Variants in NARS2 observed in about 807,000 individuals in gnomAD.
The protein encoded by NARS2 is asparaginyl-tRNA synthetase 2, mitochondrial.
A neutral mutation model predicts 62.9 loss-of-function variants in NARS2; 60 were observed. The ratio of observed to expected loss-of-function variants is 0.95; its 90% CI spans 0.77 to 1.18. The LOEUF is 1.18. Among genes scored for constraint, NARS2 ranks in the 50% most tolerant of loss-of-function variants. The probability of loss-of-function intolerance (pLI) is 0.00; values close to 1 mark genes in which losing one functional copy is unlikely to be tolerated. For synonymous variants in NARS2, 196 were observed against 200.0 expected (o/e 0.98, Z 0.17); for missense variants, 619 against 576.4 (o/e 1.07, Z -0.76).
At position 78,566,710 on chromosome 11, in the gene NARS2, A is replaced by G. The variant is rs562996648; in HGVS notation, c.373-438T>C. Among the ~76,000 whole-genome samples the G allele has an allele frequency of 1.6e-4, 24 of 152,354 alleles. No homozygotes were observed. The East Asian group carries it at 2.9e-3, about 18-fold the overall frequency. ...AATTACCTATATGTCTTGAAAGCCCATATCATTCATAATCAATTGGTGCAA... is the reference window on the plus strand; with the variant it reads ...AATTACCTATATGTCTTGAAAGCCCGTATCATTCATAATCAATTGGTGCAA... On this transcript the variant is annotated intron_variant, in intron 3 of 13. Transcript: ENST00000281038.
At chr11:78,493,493 C>T (rs1859919535) in intron 6 of NARS2, among the ~76,000 whole-genome samples, 1 of 151,902 alleles carries the variant, frequency 6.6e-6, no homozygotes, top group Admixed American at 6.6e-5. Context: ...TTTATCTCTA[C>T]AAAAAATCCT....
At chr11:78,463,183 G>A (rs1372720021) in intron 11 of NARS2, among the ~76,000 whole-genome samples, 1 of 152,042 alleles carries the variant, frequency 6.6e-6, no homozygotes, top group Non-Finnish European at 1.5e-5. Flanking sequence ...TCTCACCTCA[G>A]CCTCTTGAGT....
chr11:78,474,663 A>T (rs986233448), intron 9 of NARS2, among the ~76,000 whole-genome samples: 1 of 152,160 alleles, frequency 6.6e-6, no homozygotes, highest in Non-Finnish European at 1.5e-5. Flanking sequence ...GTATTTACTG[A>T]GTTCCTGTTA....
rs766191423 is a variant in NARS2 at position 78,571,382 on chromosome 11, T to C, written c.204A>G (p.Ser68=). The change falls in exon 2 of 14, where the codon TCA becomes TCG. Residue 68 remains serine, a synonymous_variant. Coordinates refer to ENST00000281038, the MANE Select transcript of NARS2 (RefSeq NM_024678.6). ...CAACAACCTGAAGGCTTTCCAAAGA[T>C]GACCCATCATTTACATGCAGGAACA... ...EVLFLHVNDG[S]SLESLQVVAD... is the part of the protein sequence containing the mutation. 2 of 1,613,768 alleles carry C rather than the reference T, an allele frequency of 1.2e-6. No individual in the cohort carries two copies. Among genetic ancestry groups the C allele is most frequent in the East Asian group, 2.2e-5 (1 of 44,838 alleles).
intron 4 of NARS2, among the ~76,000 whole-genome samples, chr11:78,562,825 C>T (rs112985422): frequency 0.038 from 5,850 of 152,232 alleles, 378 homozygotes; most frequent in African/African-American, 0.13. Context: ...CTTAAAGTGT[C>T]TTAAAAGTAC....
chr11:78,536,688 G>C (rs981413380), intron 5 of NARS2, among the ~76,000 whole-genome samples: 1 of 151,948 alleles, frequency 6.6e-6, no homozygotes, highest in South Asian at 2.1e-4. Flanking sequence ...GTTAGAGTAC[G>C]CTAAGATAAT....
chr11:78,550,142 T>C (rs1856043042), intron 5 of NARS2, among the ~76,000 whole-genome samples: 1 of 152,206 alleles, frequency 6.6e-6, no homozygotes, highest in Non-Finnish European at 1.5e-5. Context: ...CTGAGTTATC[T>C]GGCATTCCTA....
chr11:78,511,386 A>G (rs1208087417), intron 6 of NARS2, among the ~76,000 whole-genome samples: 1 of 152,088 alleles, frequency 6.6e-6, no homozygotes, highest in Non-Finnish European at 1.5e-5. Context: ...GCCTAATTCT[A>G]TATCTTGATC....
intron 11 of NARS2, among the ~76,000 whole-genome samples, chr11:78,459,378 C>G (rs925929052): frequency 6.6e-6 from 1 of 151,018 alleles, no homozygotes; most frequent in Non-Finnish European, 1.5e-5. Context: ...TCAAGCGATT[C>G]TCCTGCCTAA....
chr11:78,571,385 C>A lies in NARS2; in HGVS notation c.201G>T (p.Gly67=). 1 of 1,613,546 alleles carries A rather than the reference C, an allele frequency of 6.2e-7. No homozygotes were observed. Among genetic ancestry groups the A allele is most frequent in the Non-Finnish European group, 8.5e-7 (1 of 1,179,888 alleles). The change falls in exon 2 of 14, where the codon GGG becomes GGT. Residue 67 remains glycine (G), a synonymous_variant. Transcript: ENST00000281038. ...CAACCTGAAGGCTTTCCAAAGATGACCCATCATTTACATGCAGGAACAAGA... is the reference window on the plus strand; with the variant it reads ...CAACCTGAAGGCTTTCCAAAGATGAACCATCATTTACATGCAGGAACAAGA... The part of the protein sequence containing the change: ...KEVLFLHVND[G]SSLESLQVVA...
intron 6 of NARS2, among the ~76,000 whole-genome samples, chr11:78,503,837 A>AAGG (rs569373111): frequency 6.4e-4 from 97 of 152,220 alleles, no homozygotes; most frequent in African/African-American, 2.1e-3. Context: ...GAGGAGTAAG[A>AAGG]AGGAGGAGGA....
chr11:78,459,436 A>C (rs919386493), intron 11 of NARS2, among the ~76,000 whole-genome samples: 2 of 146,038 alleles, frequency 1.4e-5, no homozygotes, highest in Admixed American at 1.4e-4. Flanking sequence ...ACGCCCAGCT[A>C]ATTTTGTATT....
chr11:78,511,162 T>G (rs1236559240), intron 6 of NARS2, among the ~76,000 whole-genome samples: 1 of 152,188 alleles, frequency 6.6e-6, no homozygotes, highest in African/African-American at 2.4e-5. Flanking sequence ...ACTGCAGCCT[T>G]GACCTCCTAG....
intron 4 of NARS2, among the ~76,000 whole-genome samples, chr11:78,562,314 C>CA (rs1294376475): frequency 1.3e-5 from 2 of 152,080 alleles, no homozygotes; most frequent in African/African-American, 4.8e-5. Flanking sequence ...CCTATAGTCC[C>CA]AGCTACTTGG....
intron 7 of NARS2, among the ~76,000 whole-genome samples, chr11:78,486,211 G>A (rs577472090): frequency 6.6e-6 from 1 of 152,026 alleles, no homozygotes; most frequent in South Asian, 2.1e-4. Context: ...TTGTCAGTTA[G>A]ACCCAATGGT....
At chr11:78,533,401 C>T (rs991687218) in intron 5 of NARS2, 2 of 152,146 alleles carry the variant, frequency 1.3e-5, no homozygotes, top group Non-Finnish European at 2.9e-5. Flanking sequence ...TTGTCTTATT[C>T]ACTACAGTTT....
At chr11:78,523,573 T>G (rs1861202182) in intron 6 of NARS2, among the ~76,000 whole-genome samples, 1 of 152,202 alleles carries the variant, frequency 6.6e-6, no homozygotes, top group Non-Finnish European at 1.5e-5. Flanking sequence ...AAATGCTCAT[T>G]ATCTGATAAA....
intron 6 of NARS2, among the ~76,000 whole-genome samples, chr11:78,522,265 T>C (rs1861158171): frequency 6.6e-6 from 1 of 152,100 alleles, no homozygotes; most frequent in Non-Finnish European, 1.5e-5. Flanking sequence ...GTTGACAATC[T>C]ACTCTCTAAT....
intron 3 of NARS2, among the ~76,000 whole-genome samples, chr11:78,567,940 C>T (rs10899556): frequency 0.71 from 107,759 of 152,072 alleles, 38,768 homozygotes; most frequent in Non-Finnish European, 0.79. Flanking sequence ...ATTTTCTCCA[C>T]TGTAAATTTA....
Sources: allele counts gnomAD v4.1 joint callset (sites outside exome capture counted in the v4.1 genomes callset), GRCh38; gene constraint gnomAD v4.1.1; transcripts MANE v1.5; gene names NCBI Gene and HGNC (gene_info 2026-07-23, HGNC 2026-07-21).